ELOVL6: variants seen among roughly 807,000 people sequenced by gnomAD.
ELOVL6 encodes the protein ELOVL fatty acid elongase 6.
A neutral mutation model predicts 31.7 loss-of-function variants in ELOVL6; 8 were observed. That is an observed-to-expected ratio of 0.25 (90% CI 0.15 to 0.45). The LOEUF is 0.45. ELOVL6 is among the 20% of genes least tolerant of loss of function. The pLI is 1.00. For synonymous variants in ELOVL6, 101 were observed against 117.7 expected (o/e 0.86, Z 0.92); for missense variants, 126 against 326.4 (o/e 0.39, Z 4.73).
intron 1 of ELOVL6, among the ~76,000 whole-genome samples, chr4:110,169,402 C>G (rs1243476601): frequency 1.3e-5 from 2 of 151,392 alleles, no homozygotes; most frequent in Non-Finnish European, 2.9e-5. Context: ...CCATGCCCAG[C>G]TAATTTTTGT....
intron 1 of ELOVL6, among the ~76,000 whole-genome samples, chr4:110,124,394 T>G (rs1291487611): frequency 6.6e-6 from 1 of 152,180 alleles, no homozygotes; most frequent in Non-Finnish European, 1.5e-5. Context: ...AATGAGATCA[T>G]GTCCTTTGCA....
rs536882146 is a variant in ELOVL6 at position 110,156,699 on chromosome 4, A to G, written c.89+41548T>C. Among the ~76,000 whole-genome samples the G allele has an allele frequency of 2.1e-4, 32 of 152,266 alleles. No individual in the cohort carries two copies. In the South Asian group the frequency reaches 3.3e-3, roughly 16 times the overall value. On this transcript the variant is annotated intron_variant, in intron 1 of 3. Transcript: ENST00000302274. Reference sequence around the variant, plus strand: ...AGACCCTGCCTCAAAAAAACAGAAAAAGAAACGGGCCCATGTAATAAAGCA... The same window carrying G: ...AGACCCTGCCTCAAAAAAACAGAAAGAGAAACGGGCCCATGTAATAAAGCA...
chr4:110,179,954 T>C (rs1168146259), intron 1 of ELOVL6, among the ~76,000 whole-genome samples: 1 of 152,202 alleles, frequency 6.6e-6, no homozygotes, highest in Admixed American at 6.5e-5. Context: ...CTATTCCTCA[T>C]CCCTCCAGCA....
chr4:110,151,565 A>G (rs1758280475), intron 1 of ELOVL6, among the ~76,000 whole-genome samples: 1 of 152,148 alleles, frequency 6.6e-6, no homozygotes. Context: ...GGTTTGACCT[A>G]TGGGATAGAT....
At chr4:110,145,581 T>C (rs1578259465) in intron 1 of ELOVL6, among the ~76,000 whole-genome samples, 1 of 152,036 alleles carries the variant, frequency 6.6e-6, no homozygotes. Flanking sequence ...AGAACAGATG[T>C]GGGTTTGAAT....
chr4:110,058,271 C>T (rs964021048), intron 3 of ELOVL6, among the ~76,000 whole-genome samples: 3 of 151,762 alleles, frequency 2.0e-5, no homozygotes, highest in Non-Finnish European at 4.4e-5. Context: ...TGTGTGTAGG[C>T]GTTTGTGTGT....
chr4:110,056,911 A>T (rs1057435840), intron 3 of ELOVL6, among the ~76,000 whole-genome samples: 3 of 152,194 alleles, frequency 2.0e-5, no homozygotes, highest in Admixed American at 1.3e-4. Flanking sequence ...GATTAAATTA[A>T]GACAGGTGAT....
intron 1 of ELOVL6, among the ~76,000 whole-genome samples, chr4:110,126,990 T>C (rs1757515793): frequency 6.7e-6 from 1 of 148,746 alleles, no homozygotes; most frequent in Non-Finnish European, 1.5e-5. Context: ...AAAAAAAAAA[T>C]CAATGCATTA....
At chr4:110,107,900 T>C (rs888974290) in intron 1 of ELOVL6, among the ~76,000 whole-genome samples, 1 of 152,190 alleles carries the variant, frequency 6.6e-6, no homozygotes, top group Non-Finnish European at 1.5e-5. Context: ...AGGTAAAGTA[T>C]TATCTTTATT....
At chr4:110,084,428 T>TATATCATATATGATATATCGCATATATC (rs1374416948) in intron 2 of ELOVL6, among the ~76,000 whole-genome samples, 1 of 107,526 alleles carries the variant, frequency 9.3e-6, no homozygotes, top group Non-Finnish European at 1.8e-5. Flanking sequence ...ATATATCACA[T>TATATCATATATGATATATCGCATATATC]ATATCATATA....
At chr4:110,178,708 G>C (rs1453805748) in intron 1 of ELOVL6, among the ~76,000 whole-genome samples, 1 of 152,092 alleles carries the variant, frequency 6.6e-6, no homozygotes, top group Non-Finnish European at 1.5e-5. Context: ...CAAAAAATTA[G>C]TCAGGTGTGG....
chr4:110,157,476 G>T (rs1216872600), intron 1 of ELOVL6, among the ~76,000 whole-genome samples: 1 of 152,068 alleles, frequency 6.6e-6, no homozygotes, highest in African/African-American at 2.4e-5. Context: ...TTCAAGACCA[G>T]CCTGGCCAAG....
intron 1 of ELOVL6, among the ~76,000 whole-genome samples, chr4:110,141,278 G>C (rs1757946743): frequency 1.3e-5 from 2 of 152,046 alleles, no homozygotes; most frequent in Admixed American, 6.6e-5. Context: ...GGTCAGGCTG[G>C]TCTCAAACTC....
chr4:110,192,575 C>T (rs771537752), intron 1 of ELOVL6, among the ~76,000 whole-genome samples: 1 of 152,084 alleles, frequency 6.6e-6, no homozygotes, highest in Non-Finnish European at 1.5e-5. Context: ...AGTACAAATA[C>T]ACAGATGGAT....
chr4:110,087,822 C>G (rs867207310), intron 2 of ELOVL6, among the ~76,000 whole-genome samples: 1 of 148,584 alleles, frequency 6.7e-6, no homozygotes, highest in South Asian at 2.1e-4. Flanking sequence ...AAAAAAACCT[C>G]CTATTTTCTA....
At chr4:110,094,537 G>A (rs548024216) in intron 2 of ELOVL6, among the ~76,000 whole-genome samples, 1 of 146,198 alleles carries the variant, frequency 6.8e-6, no homozygotes, top group Non-Finnish European at 1.5e-5. Flanking sequence ...GAATACCTGG[G>A]TGAGGAGTGT....
intron 2 of ELOVL6, among the ~76,000 whole-genome samples, chr4:110,084,189 A>ATATATGATATATATGATATATACATG (rs1756068851): frequency 1.5e-5 from 1 of 64,536 alleles, no homozygotes; most frequent in Non-Finnish European, 2.9e-5. Flanking sequence ...TATATAACAT[A>ATATATGATATATATGATATATACATG]TAACTTATAT....
chr4:110,113,345 C>T (rs920072183), intron 1 of ELOVL6, among the ~76,000 whole-genome samples: 3 of 151,896 alleles, frequency 2.0e-5, no homozygotes, highest in Non-Finnish European at 4.4e-5. Flanking sequence ...TTTGGGAGGG[C>T]AAGGCGGGAA....
chr4:110,056,126 G>GA (rs1553953519), intron 3 of ELOVL6, among the ~76,000 whole-genome samples: 9 of 145,234 alleles, frequency 6.2e-5, no homozygotes, highest in African/African-American at 1.9e-4. Context: ...GGGAGCTGGG[G>GA]GGGGGGATAC....
Sources: allele counts gnomAD v4.1 joint callset (sites outside exome capture counted in the v4.1 genomes callset), GRCh38; gene constraint gnomAD v4.1.1; transcripts MANE v1.5; gene names NCBI Gene and HGNC (gene_info 2026-07-23, HGNC 2026-07-21).